Variants in SEMA6A observed in about 807,000 individuals in gnomAD.
SEMA6A encodes the protein semaphorin 6A, also known as semaphorin-6A.
In SEMA6A, 25 loss-of-function variants were observed where a neutral mutation model predicts 96.8. The observed-to-expected ratio is 0.26, with a 90% CI of 0.19 to 0.36. The LOEUF is 0.36. Among genes scored for constraint, SEMA6A ranks in the 10% least tolerant of loss-of-function variants. SEMA6A has a pLI of 1.00. For missense variants in SEMA6A, 1,363 were observed against 1,323.1 expected (o/e 1.03, Z -0.47); for synonymous variants, 612 against 518.0 (o/e 1.18, Z -2.46).
At position 116,445,949 on chromosome 5, in the gene SEMA6A, T is replaced by A. The variant is rs1291355528; in HGVS notation, c.*664A>T. Reference sequence around the variant, plus strand: ...TGCGTTAACGGTCACGTTATTTCATTAAAAGAGAGGAGGAGCAGAAATCTA... The same window carrying A: ...TGCGTTAACGGTCACGTTATTTCATAAAAAGAGAGGAGGAGCAGAAATCTA... On this transcript the variant is annotated 3_prime_UTR_variant, in exon 19 of 19. Transcript: ENST00000343348. The A allele has an allele frequency of 1.3e-5, 2 of 152,634 alleles. No homozygotes were observed. The highest frequency in any genetic ancestry group is 3.8e-4 in the East Asian group (2 of 5,198). 9.5% of individuals were successfully genotyped at this position (152,634 alleles called of 1,614,324 possible).
chr5:116,484,478 C>T (rs1384693921), intron 10 of SEMA6A, among the ~76,000 whole-genome samples: 1 of 152,092 alleles, frequency 6.6e-6, no homozygotes, highest in African/African-American at 2.4e-5. Context: ...GTCTTGCCCT[C>T]AGTTGGCTCA....
chr5:116,573,112 G>A (rs1167222435), intron 1 of SEMA6A, among the ~76,000 whole-genome samples: 8 of 152,042 alleles, frequency 5.3e-5, no homozygotes, highest in Admixed American at 5.2e-4. Context: ...GCAAAACGCG[G>A]AGAATCGGGA....
intron 1 of SEMA6A, among the ~76,000 whole-genome samples, chr5:116,545,430 C>T (rs1252580830): frequency 1.3e-5 from 2 of 151,950 alleles, no homozygotes; most frequent in Non-Finnish European, 2.9e-5. Flanking sequence ...ATTACCCAGG[C>T]GTGGTGGCAG....
At chr5:116,469,242 T>C (rs1160350950) in intron 17 of SEMA6A, 1 of 152,230 alleles carries the variant, frequency 6.6e-6, no homozygotes, top group Admixed American at 6.5e-5. Context: ...GAAAATAGTC[T>C]GCTTCGTATC....
At chr5:116,560,450 T>A (rs367615276) in intron 1 of SEMA6A, among the ~76,000 whole-genome samples, 125 of 151,748 alleles carry the variant, frequency 8.2e-4, no homozygotes, top group African/African-American at 3.0e-3. Context: ...TGAATTAAAT[T>A]GAACTGCTGC....
intron 17 of SEMA6A, chr5:116,468,909 T>C (rs1755932669): frequency 6.6e-6 from 1 of 152,050 alleles, no homozygotes; most frequent in South Asian, 2.1e-4. Flanking sequence ...AAATAAAATA[T>C]TGGCCTCTAG....
chr5:116,482,373 T>C (rs1756825888), intron 11 of SEMA6A, 71 bp downstream of exon 11: 4 of 1,511,596 alleles, frequency 2.6e-6, no homozygotes, highest in Non-Finnish European at 2.7e-6. Flanking sequence ...GTTCATAGGA[T>C]GTTCATTATC....
chr5:116,475,688 G>A lies in SEMA6A; in HGVS notation c.1650-85C>T, dbSNP rs1451572595. The A allele has an allele frequency of 3.2e-6, 3 of 930,528 alleles. No homozygotes were observed. The Admixed American group carries it at 7.4e-5, about 23-fold the overall frequency. The allele number at this position is 930,528 out of a possible 1,614,324, so 57.6% of individuals were successfully genotyped here. A position where few individuals can be genotyped will look rare whatever the true frequency, so the allele number is the denominator to read the frequency against. On this transcript the variant is annotated intron_variant, in intron 15 of 18. Transcript: ENST00000343348. ...AATGAGTCAAGCTTCACTAAAGACAGTAACACAGTTTGATAAATTGAGTGG... is the reference window on the plus strand; with the variant it reads ...AATGAGTCAAGCTTCACTAAAGACAATAACACAGTTTGATAAATTGAGTGG...
chr5:116,471,146 T>A (rs1469726679), intron 17 of SEMA6A: 1 of 152,236 alleles, frequency 6.6e-6, no homozygotes, highest in Non-Finnish European at 1.5e-5. Flanking sequence ...TAGCCTGAAA[T>A]GGATAGGATC....
chr5:116,485,619 T>G (rs1757012948), intron 10 of SEMA6A, among the ~76,000 whole-genome samples: 1 of 152,244 alleles, frequency 6.6e-6, no homozygotes, highest in Non-Finnish European at 1.5e-5. Context: ...TGCTCTGTTC[T>G]TAAGCATTTC....
intron 10 of SEMA6A, 60 bp downstream of exon 10, chr5:116,486,689 C>A: frequency 2.2e-6 from 3 of 1,389,208 alleles, no homozygotes; most frequent in East Asian, 2.3e-5. Flanking sequence ...AGAAGAGAAC[C>A]CCCTGGGAGA....
intron 1 of SEMA6A, among the ~76,000 whole-genome samples, chr5:116,524,791 C>CACACACACACACAG (rs1554090345): frequency 0.028 from 4,284 of 151,614 alleles, 84 homozygotes; most frequent in Admixed American, 0.052. Context: ...CACACACAGA[C>CACACACACACACAG]ACACACACAC....
intron 18 of SEMA6A, among the ~76,000 whole-genome samples, chr5:116,455,529 T>C (rs1259167267): frequency 6.6e-6 from 1 of 152,202 alleles, no homozygotes; most frequent in African/African-American, 2.4e-5. Context: ...CCTGGTCCCA[T>C]CTTTTTCCTT....
At chr5:116,518,495 G>A (rs1247146551) in intron 1 of SEMA6A, among the ~76,000 whole-genome samples, 1 of 152,172 alleles carries the variant, frequency 6.6e-6, no homozygotes, top group East Asian at 1.9e-4. Context: ...ACCAGAATAA[G>A]GAGGAAAAGT....
intron 1 of SEMA6A, among the ~76,000 whole-genome samples, chr5:116,518,673 C>T (rs893727398): frequency 3.3e-5 from 5 of 152,148 alleles, no homozygotes; most frequent in Admixed American, 6.6e-5. Context: ...GATCCCTGCA[C>T]GTGTGTGCTT....
rs1754069435 is a variant in SEMA6A at position 116,444,541 on chromosome 5, T to C, written c.*2072A>G. The C allele has an allele frequency of 6.6e-6, 1 of 152,666 alleles. No individual in the cohort carries two copies. The highest frequency in any genetic ancestry group is 1.5e-5 in the Non-Finnish European group (1 of 68,042). The allele number at this position is 152,666 out of a possible 1,614,324, so 9.5% of individuals were successfully genotyped here. ...ACAACACTGCTCATGGTTTACAGTA[T>C]GTGGACAGTTCCTTTGTTCATGATA... On this transcript the variant is annotated 3_prime_UTR_variant, in exon 19 of 19. Transcript: ENST00000343348.
chr5:116,486,752 T>C lies in SEMA6A; in HGVS notation c.959A>G (p.Asn320Ser), dbSNP rs1175827588. 4 of 1,612,818 alleles carry C rather than the reference T, an allele frequency of 2.5e-6. No individual in the cohort carries two copies. In the East Asian group the frequency reaches 8.9e-5, roughly 36 times the overall value. ...AACACAGCTAGGGCATGATTACCTG[T>C]TATAAGGTGTAGAAAACGTTGCCAG... ...VVLATFSTPY[N>S]SIPGSAVCAY... The change falls in exon 10 of 19, where the codon AAC becomes AGC. Residue 320 changes from asparagine to serine, a missense_variant. Physicochemically the swap from Asn to Ser is conservative, Grantham distance 46. Coordinates refer to ENST00000343348, the MANE Select transcript of SEMA6A (RefSeq NM_020796.5).
intron 10 of SEMA6A, among the ~76,000 whole-genome samples, chr5:116,482,984 T>G (rs1217914344): frequency 6.6e-6 from 1 of 152,178 alleles, no homozygotes; most frequent in African/African-American, 2.4e-5. Flanking sequence ...ACAAAAATGC[T>G]CTCCCATTGT....
Position 116,482,457 on chromosome 5 carries a change from C to T in SEMA6A, c.1081G>A (p.Val361Ile), listed in dbSNP as rs749517656. ...STWTPVPDERVPKPRPGCCAG... is the reference protein window; with the variant it reads ...STWTPVPDERIPKPRPGCCAG... ...ATTTGCACATACCTGGGCTTAGGAACTCGTTCATCAGGAACTGGTGTCCAG... is the reference window on the plus strand; with the variant it reads ...ATTTGCACATACCTGGGCTTAGGAATTCGTTCATCAGGAACTGGTGTCCAG... The change falls in exon 11 of 19, where the codon GTT becomes ATT. Residue 361 changes from valine (V) to isoleucine (I), a missense_variant. By Grantham distance (29) the Val-to-Ile change is conservative. Around this residue, in one of 2 missense-constraint regions of SEMA6A, gnomAD observed 480 missense variants for 559.5 expected, o/e 0.86. Coordinates refer to ENST00000343348, the MANE Select transcript of SEMA6A (RefSeq NM_020796.5). 6.2e-7 allele frequency: 1 copy of T among 1,613,296 alleles called. No individual in the cohort carries two copies. Among genetic ancestry groups the T allele is most frequent in the East Asian group, 2.2e-5 (1 of 44,796 alleles).
Sources: gnomAD v4.1 joint callset for allele counts (sites outside exome capture counted in the v4.1 genomes callset) on GRCh38, gnomAD v4.1.1 for gene constraint, gnomAD v4.1.1 regional missense constraint, MANE v1.5 for transcripts, NCBI Gene and HGNC (gene_info 2026-07-23, HGNC 2026-07-21) for gene names.